COL21A1: variants seen among roughly 807,000 people sequenced by gnomAD.
The protein encoded by COL21A1 is collagen alpha-1(XXI) chain.
In COL21A1, 149 loss-of-function variants were observed where a neutral mutation model predicts 137.9. The ratio of observed to expected loss-of-function variants is 1.08; its 90% CI spans 0.95 to 1.24. The LOEUF is 1.24. COL21A1 is among the 50% of genes most tolerant of loss of function. The pLI, the probability that COL21A1 is intolerant of heterozygous loss-of-function variation, is 0.00. For synonymous variants in COL21A1, 456 were observed against 391.5 expected, an observed-to-expected ratio of 1.16 and a Z score of -1.95; for missense variants, 1,167 against 1,158.4, an observed-to-expected ratio of 1.01 and a Z score of -0.11.
chr6:56,169,865 T>C (rs1437855363), intron 5 of COL21A1, among the ~76,000 whole-genome samples: 2 of 151,962 alleles, frequency 1.3e-5, no homozygotes, highest in Non-Finnish European at 2.9e-5. Context: ...TTGTCATTTC[T>C]TACAGAATCT....
intron 1 of COL21A1, among the ~76,000 whole-genome samples, chr6:56,202,810 C>G (rs1405812201): frequency 1.3e-5 from 2 of 152,148 alleles, no homozygotes; most frequent in East Asian, 3.8e-4. Flanking sequence ...AAAATCTAAT[C>G]TGGCCATAGC....
chr6:56,183,181 T>C (rs1486034391), intron 1 of COL21A1, among the ~76,000 whole-genome samples: 1 of 152,176 alleles, frequency 6.6e-6, no homozygotes, highest in Non-Finnish European at 1.5e-5. Context: ...CCATCTAAAA[T>C]AAGTCCAAGA....
chr6:56,157,086 C>T, intron 9 of COL21A1, 137 bp from the exon 10 acceptor site: 2 of 523,746 alleles, frequency 3.8e-6, no homozygotes, highest in Non-Finnish European at 6.7e-6. Context: ...AAAAAAAAGC[C>T]ATATTTTAAA....
intron 1 of COL21A1, among the ~76,000 whole-genome samples, chr6:56,265,012 A>C (rs1562030758): frequency 6.6e-6 from 1 of 152,208 alleles, no homozygotes; most frequent in Admixed American, 6.5e-5. Flanking sequence ...AGAGGTTCCT[A>C]CAAGGAGATA....
chr6:56,148,369 A>AGAGAGAGAGAGAGAGAGAG (rs67984339), intron 10 of COL21A1, among the ~76,000 whole-genome samples: 49 of 145,228 alleles, frequency 3.4e-4, no homozygotes, highest in East Asian at 5.8e-4. Flanking sequence ...AGAGAGAGAG[A>AGAGAGAGAGAGAGAGAGAG]AACACATAAA....
chr6:56,082,758 A>G (rs960507769), intron 17 of COL21A1, among the ~76,000 whole-genome samples: 3 of 151,894 alleles, frequency 2.0e-5, no homozygotes. Context: ...TAGTTTGATA[A>G]AGAAAACACA....
intron 17 of COL21A1, among the ~76,000 whole-genome samples, chr6:56,097,894 A>AATATAT (rs1350404662): frequency 6.8e-5 from 6 of 88,866 alleles, no homozygotes; most frequent in African/African-American, 8.9e-5. Context: ...AATATATATA[A>AATATAT]ATATATAAAT....
chr6:56,205,225 T>C (rs1039354866), intron 1 of COL21A1, among the ~76,000 whole-genome samples: 5 of 152,138 alleles, frequency 3.3e-5, no homozygotes, highest in Admixed American at 2.6e-4. Flanking sequence ...GCAAGGAAGC[T>C]AAGAACCTTG....
intron 17 of COL21A1, among the ~76,000 whole-genome samples, chr6:56,098,648 A>AAT (rs1412667364): frequency 0.14 from 1,589 of 11,338 alleles, 572 homozygotes; most frequent in East Asian, 0.19. Flanking sequence ...AATATATATA[A>AAT]ATATATAAAT....
At chr6:56,204,738 G>A (rs1779647649) in intron 1 of COL21A1, among the ~76,000 whole-genome samples, 1 of 152,136 alleles carries the variant, frequency 6.6e-6, no homozygotes, top group Non-Finnish European at 1.5e-5. Context: ...AGCTCTGGCT[G>A]GCATCTGGCA....
intron 12 of COL21A1, among the ~76,000 whole-genome samples, chr6:56,134,314 C>T (rs1222019573): frequency 6.6e-6 from 1 of 152,188 alleles, no homozygotes; most frequent in Non-Finnish European, 1.5e-5. Flanking sequence ...TTCAGACTTG[C>T]ATAGGGCCTT....
intron 1 of COL21A1, among the ~76,000 whole-genome samples, chr6:56,256,693 T>A (rs1369851740): frequency 1.7e-5 from 1 of 59,446 alleles, no homozygotes; most frequent in Non-Finnish European, 3.6e-5. Flanking sequence ...CCAAATAATA[T>A]TTTTTAAAAA....
chr6:56,246,901 T>A (rs931028075), intron 1 of COL21A1, among the ~76,000 whole-genome samples: 4 of 152,058 alleles, frequency 2.6e-5, no homozygotes, highest in Non-Finnish European at 5.9e-5. Context: ...GAGTAATTGG[T>A]CTGGGGTGCT....
At chr6:56,289,005 C>A (rs1445902591) in intron 1 of COL21A1, among the ~76,000 whole-genome samples, 4 of 152,054 alleles carry the variant, frequency 2.6e-5, no homozygotes, top group Admixed American at 1.3e-4. Context: ...TGTAAAATTG[C>A]CATATTATTT....
intron 17 of COL21A1, among the ~76,000 whole-genome samples, chr6:56,099,440 G>A (rs933816814): frequency 1.3e-5 from 2 of 151,566 alleles, no homozygotes; most frequent in Admixed American, 6.6e-5. Context: ...GTTTCACCGT[G>A]TTAGCCAGGA....
At chr6:56,146,437 T>C (rs2152243394) in intron 10 of COL21A1, among the ~76,000 whole-genome samples, 1 of 152,298 alleles carries the variant, frequency 6.6e-6, no homozygotes, top group South Asian at 2.1e-4. Flanking sequence ...GTATAACTAA[T>C]ATAGAAACTA....
intron 1 of COL21A1, among the ~76,000 whole-genome samples, chr6:56,220,024 A>C (rs1780734300): frequency 6.6e-6 from 1 of 152,072 alleles, no homozygotes; most frequent in African/African-American, 2.4e-5. Context: ...CAAGGTGTTT[A>C]TTTTTTCAAT....
intron 1 of COL21A1, among the ~76,000 whole-genome samples, chr6:56,302,095 A>G (rs1273062481): frequency 1.3e-5 from 2 of 151,788 alleles, no homozygotes; most frequent in East Asian, 3.9e-4. Flanking sequence ...TCCATGGTGT[A>G]TATGTGCCAC....
intron 1 of COL21A1, among the ~76,000 whole-genome samples, chr6:56,189,801 TGG>T (rs1467586298): frequency 6.6e-6 from 1 of 151,796 alleles, no homozygotes; most frequent in East Asian, 1.9e-4. Context: ...CAGAAGAGAG[TGG>T]GGGCCAATAT....
Sources: allele counts gnomAD v4.1 joint callset (sites outside exome capture counted in the v4.1 genomes callset), GRCh38; gene constraint gnomAD v4.1.1; transcripts MANE v1.5; gene names NCBI Gene and HGNC (gene_info 2026-07-23, HGNC 2026-07-21).